VPS13A: variants seen among roughly 807,000 people sequenced by gnomAD.
VPS13A encodes the protein vacuolar protein sorting 13 homolog A, also known as intermembrane lipid transfer protein VPS13A.
A neutral mutation model predicts 390.9 loss-of-function variants in VPS13A; 264 were observed. That is an observed-to-expected ratio of 0.68 (90% CI 0.61 to 0.75). The LOEUF (loss-of-function observed/expected upper bound fraction) is 0.75. Among genes scored for constraint, VPS13A ranks in the 30% least tolerant of loss-of-function variants. The probability of loss-of-function intolerance (pLI) is 0.00; values close to 1 mark genes in which losing one functional copy is unlikely to be tolerated. For missense variants in VPS13A, 3,409 were observed against 3,733.9 expected (o/e 0.91, Z 2.27); for synonymous variants, 1,231 against 1,227.1 (o/e 1.00, Z -0.07).
At chr9:77,405,492 G>A (rs1186599755) in intron 69 of VPS13A, among the ~76,000 whole-genome samples, 3 of 152,108 alleles carry the variant, frequency 2.0e-5, no homozygotes, top group African/African-American at 7.2e-5. Context: ...AATATGTTGT[G>A]TTATAAATTT....
chr9:77,391,332 T>A lies in VPS13A; in HGVS notation c.9189+9245T>A, dbSNP rs145074543. ...AAACTAGTATACATTATGAAAAGTC[T>A]ATTTTTTATTAGCCAAATGTCCTGT... On this transcript the variant is annotated intron_variant, in intron 68 of 71. Transcript: ENST00000360280. Among the ~76,000 whole-genome samples the A allele has an allele frequency of 6.2e-4, 95 of 152,348 alleles. 3 individuals carry two copies. The Middle Eastern group carries it at 0.044, about 71-fold the overall frequency.
chr9:77,248,080 A>C lies in VPS13A; in HGVS notation c.2037+685A>C, dbSNP rs1025430985. On this transcript the variant is annotated intron_variant, in intron 20 of 71. Transcript: ENST00000360280. ...TAGAATGATAGAGAATTGTGGAAAC[A>C]ATCAAATACGTCTTCATCTTTCTGA... Among the ~76,000 whole-genome samples, 4 of 152,218 alleles carry C rather than the reference A, an allele frequency of 2.6e-5. No homozygotes were observed. The South Asian group carries it at 8.3e-4, about 32-fold the overall frequency.
At chr9:77,298,411 G>A (rs1828136732) in intron 33 of VPS13A, among the ~76,000 whole-genome samples, 1 of 152,126 alleles carries the variant, frequency 6.6e-6, no homozygotes, top group Admixed American at 6.5e-5. Context: ...GACAGAAAGA[G>A]GAACCCTCAA....
At chr9:77,195,555 G>T (rs1824944865) in intron 1 of VPS13A, among the ~76,000 whole-genome samples, 1 of 152,076 alleles carries the variant, frequency 6.6e-6, no homozygotes, top group South Asian at 2.1e-4. Context: ...TGGCCAACAT[G>T]ACAAAACCCC....
intron 23 of VPS13A, among the ~76,000 whole-genome samples, chr9:77,265,132 C>G (rs558827084): frequency 2.6e-5 from 4 of 152,312 alleles, no homozygotes; most frequent in African/African-American, 9.6e-5. Context: ...AGCCTTGCAT[C>G]TCAGAGATGA....
intron 26 of VPS13A, among the ~76,000 whole-genome samples, chr9:77,279,555 T>C (rs931229664): frequency 5.3e-5 from 8 of 151,982 alleles, no homozygotes; most frequent in African/African-American, 1.9e-4. Context: ...AAAACAGAAA[T>C]GCTTGTTCTC....
In VPS13A at chr9:77,321,301, C is replaced by G; in HGVS notation, c.5548C>G (p.Leu1850Val). ...AAACATTACATTATCCAAATGTGGT[C>G]TTGTAATGTTAAACAATTTAGTCAA... ...QLNITLSKCG[L>V]VMLNNLVKAF... Residue 1850 changes from leucine (L) to valine (V), a missense_variant, in exon 43 of 72, where the codon CTT becomes GTT. Around this residue, in one of 5 missense-constraint regions of VPS13A, gnomAD observed 2,717 missense variants for 2,917.4 expected, o/e 0.93. Coordinates refer to ENST00000360280, the MANE Select transcript of VPS13A (RefSeq NM_033305.3). 3 of 1,607,468 alleles carry G rather than the reference C, an allele frequency of 1.9e-6. No homozygotes were observed. Among genetic ancestry groups the G allele is most frequent in the Non-Finnish European group, 2.6e-6 (3 of 1,175,570 alleles).
chr9:77,406,566 T>G (rs1313948269), intron 70 of VPS13A, among the ~76,000 whole-genome samples: 4 of 151,998 alleles, frequency 2.6e-5, no homozygotes, highest in African/African-American at 7.2e-5. Flanking sequence ...TACAGGCATG[T>G]GCCACCATGC....
At position 77,328,730 on chromosome 9, in the gene VPS13A, A is replaced by G. The variant is rs546997949; in HGVS notation, c.5992-3280A>G. Among the ~76,000 whole-genome samples, 65 of 152,294 alleles carry G rather than the reference A, an allele frequency of 4.3e-4. No homozygotes were observed. In the South Asian group the frequency reaches 4.8e-3, roughly 11 times the overall value. Reference sequence around the variant, plus strand: ...CCAACTTTTTTTCTGCAACTTGCTCATGTCTCTCAGCCTTCATACAATTGA... The same window carrying G: ...CCAACTTTTTTTCTGCAACTTGCTCGTGTCTCTCAGCCTTCATACAATTGA... On this transcript the variant is annotated intron_variant, in intron 45 of 71. Transcript: ENST00000360280.
chr9:77,305,263 G>A (rs932530698), intron 34 of VPS13A, among the ~76,000 whole-genome samples: 2 of 152,066 alleles, frequency 1.3e-5, no homozygotes, highest in African/African-American at 2.4e-5. Flanking sequence ...TAAGTCAAAC[G>A]TATATTCAGA....
chr9:77,382,937 A>G, intron 68 of VPS13A: 1 of 985,226 alleles, frequency 1.0e-6, no homozygotes, highest in Middle Eastern at 5.2e-4. Context: ...TATATAGGCT[A>G]TACCAGTGTC....
At chr9:77,250,046 T>TTTTGCA (rs1225681794) in intron 20 of VPS13A, 51 bp from the exon 21 acceptor site, 8 of 1,597,342 alleles carry the variant, frequency 5.0e-6, no homozygotes, top group Non-Finnish European at 5.1e-6. Flanking sequence ...CACTTTATAC[T>TTTTGCA]TACATTTTGA....
At chr9:77,290,959 A>G (rs1827617630) in intron 31 of VPS13A, among the ~76,000 whole-genome samples, 1 of 151,974 alleles carries the variant, frequency 6.6e-6, no homozygotes, top group Admixed American at 6.6e-5. Flanking sequence ...ATTTGCTTGA[A>G]TTTTTTCCCT....
At position 77,377,211 on chromosome 9, in the gene VPS13A, T is replaced by TTTTTG. The variant is rs1563974530; in HGVS notation, c.9078-4761_9078-4760insGTTTT. Among the ~76,000 whole-genome samples, 24 of 111,916 alleles carry TTTTTG rather than the reference T, an allele frequency of 2.1e-4. 1 individual carries two copies. The highest frequency in any genetic ancestry group is 4.1e-4 in the Non-Finnish European group (21 of 51,638). 73.4% of individuals were successfully genotyped at this position (111,916 alleles called of 152,430 possible). On this transcript the variant is annotated intron_variant, in intron 67 of 71. Transcript: ENST00000360280. Reference sequence around the variant, plus strand: ...TAAGTATTTTTGATGCTGTTTTTTTTTTTTTTTTTTTTTTTTTTTGAGACG... The same window carrying TTTTTG: ...TAAGTATTTTTGATGCTGTTTTTTTTTTTTGTTTTTTTTTTTTTTTTTTTGAGACG...
chr9:77,271,799 A>G (rs1222618256), intron 23 of VPS13A, among the ~76,000 whole-genome samples: 1 of 152,192 alleles, frequency 6.6e-6, no homozygotes, highest in African/African-American at 2.4e-5. Flanking sequence ...AAAGAGGAAA[A>G]TAATAGCCCA....
At position 77,337,415 on chromosome 9, in the gene VPS13A, G is replaced by C; in HGVS notation, c.6256G>C (p.Asp2086His). 6.2e-7 allele frequency: 1 copy of C among 1,613,078 alleles called. No homozygotes were observed. Among genetic ancestry groups the C allele is most frequent in the Non-Finnish European group, 8.5e-7 (1 of 1,179,252 alleles). Residue 2086 changes from aspartate (D) to histidine (H), a missense_variant, in exon 47 of 72, where the codon GAT becomes CAT. Coordinates refer to ENST00000360280, the MANE Select transcript of VPS13A (RefSeq NM_033305.3). The part of the protein sequence containing the change: ...SFLINIVPEK[D>H]NLTSLSVYSE... ...TCTCATTAATATTGTTCCAGAAAAA[G>C]ATAATTTAACATCTCTATCAGTGTA...
At chr9:77,367,758 G>A (rs1394236139) in intron 61 of VPS13A, among the ~76,000 whole-genome samples, 1 of 152,164 alleles carries the variant, frequency 6.6e-6, no homozygotes, top group African/African-American at 2.4e-5. Flanking sequence ...TAAAGTTCTA[G>A]TGGTACATGA....
intron 31 of VPS13A, among the ~76,000 whole-genome samples, chr9:77,285,985 T>A (rs943750806): frequency 6.6e-6 from 1 of 152,222 alleles, no homozygotes; most frequent in Admixed American, 6.5e-5. Context: ...TACTGTATCC[T>A]GTGTTTCCTT....
At chr9:77,211,479 T>C (rs1055788770) in intron 7 of VPS13A, 1 of 152,186 alleles carries the variant, frequency 6.6e-6, no homozygotes, top group Non-Finnish European at 1.5e-5. Flanking sequence ...CATGATTTTA[T>C]TTGTTGTATC....
Sources: allele counts gnomAD v4.1 joint callset (sites outside exome capture counted in the v4.1 genomes callset), GRCh38; gene constraint gnomAD v4.1.1; regional missense constraint gnomAD v4.1.1; transcripts MANE v1.5; gene names NCBI Gene and HGNC (gene_info 2026-07-23, HGNC 2026-07-21).